Variants in OR51A4 observed in about 807,000 individuals in gnomAD.
OR51A4 encodes the protein olfactory receptor 51A4.
For missense variants in OR51A4, 243 were observed against 364.0 expected (o/e 0.67, Z 2.70); for synonymous variants, 96 against 141.5 (o/e 0.68, Z 2.28).
chr11:4,946,967 C>T lies in OR51A4; in HGVS notation c.134G>A (p.Gly45Asp), dbSNP rs777600928. The change falls in exon 2 of 2, where the codon GGC becomes GAC. Residue 45 changes from glycine (G) to aspartate (D), a missense_variant. Physicochemically the swap from Gly to Asp is moderately conservative, Grantham distance 94 (BLOSUM62 -1). Coordinates refer to ENST00000641898, the MANE Select transcript of OR51A4 (RefSeq NM_001005329.2). ...TGTCTTGATGATAAAAAGAATGGTG[C>T]CATTTCCTAGAATAGCAATAAGATA... is the stretch of plus-strand genomic sequence containing the variant. Reference protein sequence around the residue: ...SMYLIAILGNGTILFIIKTEP... With the variant: ...SMYLIAILGNDTILFIIKTEP... 1 of 1,604,064 alleles carries T rather than the reference C, an allele frequency of 6.2e-7. No individual in the cohort carries two copies. Among genetic ancestry groups the T allele is most frequent in the Non-Finnish European group, 8.5e-7 (1 of 1,175,334 alleles).
chr11:4,946,151 T>C lies in OR51A4; in HGVS notation c.*8A>G, dbSNP rs1846298178. Reference sequence around the variant, plus strand: ...AGACATTTCCAGGTTTTCTGTCACATATGACTGTTAAATCTTCCGTTGACA... The same window carrying C: ...AGACATTTCCAGGTTTTCTGTCACACATGACTGTTAAATCTTCCGTTGACA... On this transcript the variant is annotated 3_prime_UTR_variant, in exon 2 of 2. Transcript: ENST00000641898. 1 of 1,611,234 alleles carries C rather than the reference T, an allele frequency of 6.2e-7. No homozygotes were observed. The highest frequency in any genetic ancestry group is 1.7e-5 in the Admixed American group (1 of 59,990).
chr11:4,944,335 A>G lies in OR51A4; in HGVS notation c.*1824T>C, dbSNP rs1323837346. On this transcript the variant is annotated 3_prime_UTR_variant, in exon 2 of 2. Transcript: ENST00000641898. ...CTCTCTGTGTGAATTTCATTAAATCAAACTCTCAGAGCCTCAATCTCTTCA... is the reference window on the plus strand; with the variant it reads ...CTCTCTGTGTGAATTTCATTAAATCGAACTCTCAGAGCCTCAATCTCTTCA... 5.8e-6 allele frequency: 1 copy of G among 173,344 alleles called. No individual in the cohort carries two copies. The highest frequency in any genetic ancestry group is 1.8e-4 in the East Asian group (1 of 5,636). 10.7% of individuals were successfully genotyped at this position (173,344 alleles called of 1,614,324 possible). A position where few individuals can be genotyped will look rare whatever the true frequency, so the allele number is the denominator to read the frequency against.
At position 4,944,196 on chromosome 11, in the gene OR51A4, CTAGGA is replaced by C; in HGVS notation, c.*1958_*1962del. 1 of 417,316 alleles carries C rather than the reference CTAGGA, an allele frequency of 2.4e-6. No individual in the cohort carries two copies. Among genetic ancestry groups the C allele is most frequent in the South Asian group, 1.8e-5 (1 of 57,118 alleles). 25.9% of individuals were successfully genotyped at this position (417,316 alleles called of 1,614,324 possible). A position where few individuals can be genotyped will look rare whatever the true frequency, so the allele number is the denominator to read the frequency against. On this transcript the variant is annotated 3_prime_UTR_variant, in exon 2 of 2. Transcript: ENST00000641898. ...TGATCTGATGATAGGATTTTCTACACTAGGATAGGTTTGTGAAAACATACGTAGTC... is the reference window on the plus strand; with the variant it reads ...TGATCTGATGATAGGATTTTCTACACTAGGTTTGTGAAAACATACGTAGTC...
rs934416455 is a variant in OR51A4 at position 4,943,939 on chromosome 11, C to T, written c.*2220G>A. The T allele has an allele frequency of 8.2e-5, 34 of 414,322 alleles. No homozygotes were observed. Among genetic ancestry groups the T allele is most frequent in the Middle Eastern group, 3.5e-4 (1 of 2,834 alleles). The allele number at this position is 414,322 out of a possible 1,614,324, so 25.7% of individuals were successfully genotyped here. ...TACAATATCCTGAAAGAATAAGATG[C>T]TATTAAAGCCACCTAATTACTCCTC... On this transcript the variant is annotated 3_prime_UTR_variant, in exon 2 of 2. Coordinates refer to ENST00000641898, the MANE Select transcript of OR51A4 (RefSeq NM_001005329.2).
intron 1 of OR51A4, 78 bp downstream of exon 1, chr11:4,947,467 C>A: frequency 1.2e-5 from 2 of 170,608 alleles, no homozygotes; most frequent in South Asian, 1.2e-4. Flanking sequence ...TATGTTCTGA[C>A]CTTCAGTTCT....
In OR51A4 at chr11:4,943,675, T is replaced by A; in HGVS notation, c.*2484A>T. 1 of 357,192 alleles carries A rather than the reference T, an allele frequency of 2.8e-6. No homozygotes were observed. The allele number at this position is 357,192 out of a possible 1,614,324, so 22.1% of individuals were successfully genotyped here. On this transcript the variant is annotated 3_prime_UTR_variant, in exon 2 of 2. Transcript: ENST00000641898. ...GACATTGCCAAATGTCTCTTGGAGG[T>A]AACATTGCTGCCAGTTGAGAACCAC...
chr11:4,943,313 T>G lies in OR51A4; in HGVS notation c.*2846A>C, dbSNP rs1385559790. Reference sequence around the variant, plus strand: ...ACTTTCATGTGTGATTAATAAGTCTTTTAACATCTCTCAAGTGAAGTCTTT... The same window carrying G: ...ACTTTCATGTGTGATTAATAAGTCTGTTAACATCTCTCAAGTGAAGTCTTT... On this transcript the variant is annotated 3_prime_UTR_variant, in exon 2 of 2. Transcript: ENST00000641898. 4 of 315,762 alleles carry G rather than the reference T, an allele frequency of 1.3e-5. No homozygotes were observed. Among genetic ancestry groups the G allele is most frequent in the Non-Finnish European group, 2.5e-5 (4 of 159,166 alleles). 19.6% of individuals were successfully genotyped at this position (315,762 alleles called of 1,614,324 possible).
chr11:4,947,428 T>A, intron 1 of OR51A4, 117 bp downstream of exon 1: 1 of 204,776 alleles, frequency 4.9e-6, no homozygotes, highest in Non-Finnish European at 9.8e-6. Flanking sequence ...GTCAATTAAC[T>A]GGAATCTTCT....
At position 4,943,745 on chromosome 11, in the gene OR51A4, A is replaced by G. The variant is rs1846251622; in HGVS notation, c.*2414T>C. On this transcript the variant is annotated 3_prime_UTR_variant, in exon 2 of 2. Coordinates refer to ENST00000641898, the MANE Select transcript of OR51A4 (RefSeq NM_001005329.2). ...TTGAGATTTTAATCCTCCAAAAACTACATTCTTCATTTCAGAAATATGTGA... is the reference window on the plus strand; with the variant it reads ...TTGAGATTTTAATCCTCCAAAAACTGCATTCTTCATTTCAGAAATATGTGA... 2.7e-6 allele frequency: 1 copy of G among 366,268 alleles called. No homozygotes were observed. The highest frequency in any genetic ancestry group is 3.4e-5 in the Admixed American group (1 of 29,290). 22.7% of individuals were successfully genotyped at this position (366,268 alleles called of 1,614,324 possible).
At position 4,943,572 on chromosome 11, in the gene OR51A4, T is replaced by G; in HGVS notation, c.*2587A>C. ...ATCCTGTACATTAAAGAATGGTTAG[T>G]AGCGTCTCCGGCCTCTAATCAGTGG... On this transcript the variant is annotated 3_prime_UTR_variant, in exon 2 of 2. Transcript: ENST00000641898. 5 of 434,174 alleles carry G rather than the reference T, an allele frequency of 1.2e-5. No homozygotes were observed. Among genetic ancestry groups the G allele is most frequent in the South Asian group, 8.2e-5 (5 of 60,764 alleles). The allele number at this position is 434,174 out of a possible 1,614,324, so 26.9% of individuals were successfully genotyped here. A position where few individuals can be genotyped will look rare whatever the true frequency, so the allele number is the denominator to read the frequency against.
In OR51A4 at chr11:4,946,030, G is replaced by T; in HGVS notation, c.*129C>A. ...TCTATTCTCATTCGCAGTATCCAGAGTGAATAAAATAACTCTATGACAACA... is the reference window on the plus strand; with the variant it reads ...TCTATTCTCATTCGCAGTATCCAGATTGAATAAAATAACTCTATGACAACA... On this transcript the variant is annotated 3_prime_UTR_variant, in exon 2 of 2. Transcript: ENST00000641898. The T allele has an allele frequency of 1.2e-6, 1 of 841,200 alleles. No individual in the cohort carries two copies. The highest frequency in any genetic ancestry group is 1.9e-6 in the Non-Finnish European group (1 of 534,944). The allele number at this position is 841,200 out of a possible 1,614,324, so 52.1% of individuals were successfully genotyped here. A position where few individuals can be genotyped will look rare whatever the true frequency, so the allele number is the denominator to read the frequency against.
At position 4,943,714 on chromosome 11, in the gene OR51A4, C is replaced by A. The variant is rs577032000; in HGVS notation, c.*2445G>T. The A allele has an allele frequency of 9.7e-5, 34 of 351,250 alleles. No homozygotes were observed. Among genetic ancestry groups the A allele is most frequent in the Non-Finnish European group, 1.7e-4 (31 of 177,680 alleles). 21.8% of individuals were successfully genotyped at this position (351,250 alleles called of 1,614,324 possible). ...GTTGAGAACCACTGTTTAAGGAGCC[C>A]CAGAGTTGAGATTTTAATCCTCCAA... On this transcript the variant is annotated 3_prime_UTR_variant, in exon 2 of 2. Coordinates refer to ENST00000641898, the MANE Select transcript of OR51A4 (RefSeq NM_001005329.2).
In OR51A4 at chr11:4,944,269, G is replaced by A; in HGVS notation, c.*1890C>T. ...AATGTATTCAAGATAATACTATCCT[G>A]GAGCATCAGAGATTAGGTTTGAACC... is the stretch of plus-strand genomic sequence containing the variant. On this transcript the variant is annotated 3_prime_UTR_variant, in exon 2 of 2. Transcript: ENST00000641898. 2 of 220,838 alleles carry A rather than the reference G, an allele frequency of 9.1e-6. No homozygotes were observed. The highest frequency in any genetic ancestry group is 1.1e-4 in the South Asian group (2 of 18,112). The allele number at this position is 220,838 out of a possible 1,614,324, so 13.7% of individuals were successfully genotyped here.
Position 4,945,996 on chromosome 11 carries a change from G to C in OR51A4, c.*163C>G. On this transcript the variant is annotated 3_prime_UTR_variant, in exon 2 of 2. Transcript: ENST00000641898. ...GGGGACATAAGGCAACGTACTTCCT[G>C]TTTATAGTTCTATTCTCATTCGCAG... 1.4e-6 allele frequency: 1 copy of C among 692,046 alleles called. No homozygotes were observed. The highest frequency in any genetic ancestry group is 2.7e-5 in the East Asian group (1 of 36,868). 42.9% of individuals were successfully genotyped at this position (692,046 alleles called of 1,614,324 possible).
Position 4,943,372 on chromosome 11 carries a change from G to A in OR51A4, c.*2787C>T, listed in dbSNP as rs1564811668. 5.3e-6 allele frequency: 2 copies of A among 377,744 alleles called. No homozygotes were observed. Among genetic ancestry groups the A allele is most frequent in the Non-Finnish European group, 1.1e-5 (2 of 189,546 alleles). 23.4% of individuals were successfully genotyped at this position (377,744 alleles called of 1,614,324 possible). On this transcript the variant is annotated 3_prime_UTR_variant, in exon 2 of 2. Transcript: ENST00000641898. The stretch of plus-strand genomic sequence containing the variant: ...TCAGTTTTTCACTGGTTTCCTTTCT[G>A]AGGAACTTCTCTGGTATCAGATTGC...
Position 4,943,960 on chromosome 11 carries a change from T to G in OR51A4, c.*2199A>C. 1 of 411,294 alleles carries G rather than the reference T, an allele frequency of 2.4e-6. No homozygotes were observed. Among genetic ancestry groups the G allele is most frequent in the Non-Finnish European group, 4.8e-6 (1 of 207,170 alleles). The allele number at this position is 411,294 out of a possible 1,614,324, so 25.5% of individuals were successfully genotyped here. ...GATGCTATTAAAGCCACCTAATTAC[T>G]CCTCATCTTTTTAGTGGAAATGAAG... On this transcript the variant is annotated 3_prime_UTR_variant, in exon 2 of 2. Coordinates refer to ENST00000641898, the MANE Select transcript of OR51A4 (RefSeq NM_001005329.2).
rs1046109511 is a variant in OR51A4 at position 4,945,896 on chromosome 11, G to A, written c.*263C>T. On this transcript the variant is annotated 3_prime_UTR_variant, in exon 2 of 2. Transcript: ENST00000641898. ...GAGCTGTAAAAATTATCATTTTTCT[G>A]TCTTGGTTGTAATTTGTTGCTTGTA... The A allele has an allele frequency of 2.2e-6, 1 of 461,378 alleles. No homozygotes were observed. The highest frequency in any genetic ancestry group is 2.0e-5 in the African/African-American group (1 of 50,644). The allele number at this position is 461,378 out of a possible 1,614,324, so 28.6% of individuals were successfully genotyped here. A position where few individuals can be genotyped will look rare whatever the true frequency, so the allele number is the denominator to read the frequency against.
At position 4,943,541 on chromosome 11, in the gene OR51A4, A is replaced by G. The variant is rs1042899531; in HGVS notation, c.*2618T>C. The G allele has an allele frequency of 8.8e-6, 4 of 453,306 alleles. No homozygotes were observed. The highest frequency in any genetic ancestry group is 7.1e-5 in the Admixed American group (3 of 42,014). The allele number at this position is 453,306 out of a possible 1,614,324, so 28.1% of individuals were successfully genotyped here. ...TTGTGCTAGATAATTCTTTTGGGTA[A>G]GGGCTATCCTGTACATTAAAGAATG... On this transcript the variant is annotated 3_prime_UTR_variant, in exon 2 of 2. Transcript: ENST00000641898.
In OR51A4 at chr11:4,945,286, C is replaced by T. The variant is rs1846277693; in HGVS notation, c.*873G>A. The T allele has an allele frequency of 6.6e-6, 1 of 152,012 alleles. No homozygotes were observed. The highest frequency in any genetic ancestry group is 2.1e-4 in the South Asian group (1 of 4,814). 9.4% of individuals were successfully genotyped at this position (152,012 alleles called of 1,614,324 possible). A position where few individuals can be genotyped will look rare whatever the true frequency, so the allele number is the denominator to read the frequency against. On this transcript the variant is annotated 3_prime_UTR_variant, in exon 2 of 2. Coordinates refer to ENST00000641898, the MANE Select transcript of OR51A4 (RefSeq NM_001005329.2). Reference sequence around the variant, plus strand: ...CATTATACAAAATTGGAGTCAAGAGCATTTTAACAAAAGAGATCTGATGTG... The same window carrying T: ...CATTATACAAAATTGGAGTCAAGAGTATTTTAACAAAAGAGATCTGATGTG...
Sources: allele counts gnomAD v4.1 joint callset, GRCh38; gene constraint gnomAD v4.1.1; transcripts MANE v1.5; gene names NCBI Gene and HGNC (gene_info 2026-07-23, HGNC 2026-07-21).